RBFOX1: variants seen among roughly 807,000 people sequenced by gnomAD.
RBFOX1 encodes RNA binding protein fox-1 homolog 1.
Under a neutral mutation model 57.7 loss-of-function variants are expected in RBFOX1, and 8 were observed. That is an observed-to-expected ratio of 0.14 (90% confidence interval 0.08 to 0.25). RBFOX1 has a LOEUF of 0.25. Ranked by LOEUF, RBFOX1 falls within the 10% of genes least tolerant of loss-of-function variation. The probability of loss-of-function intolerance (pLI) is 1.00; values close to 1 mark genes in which losing one functional copy is unlikely to be tolerated. For synonymous variants in RBFOX1, 326 were observed against 222.4 expected (o/e 1.47, Z -4.15); for missense variants, 611 against 548.5 (o/e 1.11, Z -1.14).
In RBFOX1 at chr16:5,545,659, T is replaced by A. The variant is rs183716677; in HGVS notation, c.259-53243T>A. The stretch of plus-strand genomic sequence containing the variant: ...TAAGAATTTAACATCTATTCTCAAT[T>A]AAAAAAAAACCCCTCATCAAGTAGG... On this transcript the variant is annotated intron_variant, in intron 2 of 2. Coordinates refer to the RBFOX1 transcript ENST00000585867. Among the ~76,000 whole-genome samples, 930 of 151,190 alleles carry A rather than the reference T, an allele frequency of 6.2e-3. 8 individuals carry two copies. Among genetic ancestry groups the A allele is most frequent in the Middle Eastern group, 0.031 (9 of 294 alleles).
At chr16:6,819,721 A>T (rs2090906556) in intron 3 of RBFOX1, among the ~76,000 whole-genome samples, 1 of 144,594 alleles carries the variant, frequency 6.9e-6, no homozygotes, top group African/African-American at 2.6e-5. Flanking sequence ...AAAAAAAAAA[A>T]AAAAAAAAAA....
chr16:5,985,841 C>G (rs1337891616), intron 4 of RBFOX1, among the ~76,000 whole-genome samples: 2 of 152,150 alleles, frequency 1.3e-5, no homozygotes, highest in Non-Finnish European at 2.9e-5. Flanking sequence ...AGGCCAGGTG[C>G]TCTACAACCC....
intron 3 of RBFOX1, among the ~76,000 whole-genome samples, chr16:5,846,166 A>G: frequency 6.7e-6 from 1 of 149,420 alleles, no homozygotes; most frequent in African/African-American, 2.5e-5. Context: ...TGGGCGACAG[A>G]GTGAGGCACT....
chr16:6,461,480 A>G (rs1184072280), intron 2 of RBFOX1, among the ~76,000 whole-genome samples: 1 of 152,196 alleles, frequency 6.6e-6, no homozygotes, highest in Admixed American at 6.5e-5. Context: ...CCCATCCATG[A>G]TCTTTCAGGC....
chr16:5,914,392 G>C (rs1451724328), intron 4 of RBFOX1, among the ~76,000 whole-genome samples: 1 of 152,142 alleles, frequency 6.6e-6, no homozygotes, highest in African/African-American at 2.4e-5. Flanking sequence ...TGTCAGCCAG[G>C]GCTGCAGTCT....
chr16:6,125,754 C>G (rs1271184012), intron 1 of RBFOX1, among the ~76,000 whole-genome samples: 1 of 152,042 alleles, frequency 6.6e-6, no homozygotes, highest in Admixed American at 6.6e-5. Flanking sequence ...AATTACCATC[C>G]TTGGCTCGCT....
chr16:7,580,212 C>T (rs779585348), intron 6 of RBFOX1, among the ~76,000 whole-genome samples: 20 of 152,048 alleles, frequency 1.3e-4, no homozygotes, highest in African/African-American at 4.8e-5. Context: ...TGAAGGAAGC[C>T]TATTGATGGT....
intron 2 of RBFOX1, among the ~76,000 whole-genome samples, chr16:6,462,350 A>C (rs1372374037): frequency 6.6e-6 from 1 of 152,162 alleles, no homozygotes; most frequent in Non-Finnish European, 1.5e-5. Flanking sequence ...GGGTGGCCTC[A>C]TCCTCCGCCT....
intron 3 of RBFOX1, among the ~76,000 whole-genome samples, chr16:6,673,412 A>ATG (rs2098780132): frequency 6.6e-6 from 1 of 152,016 alleles, no homozygotes; most frequent in Non-Finnish European, 1.5e-5. Context: ...ACATGGCAAA[A>ATG]CCGCATCTCT....
intron 2 of RBFOX1, among the ~76,000 whole-genome samples, chr16:6,625,581 T>C (rs944683394): frequency 1.3e-5 from 2 of 152,162 alleles, no homozygotes; most frequent in Admixed American, 1.3e-4. Flanking sequence ...CTCAGATGGT[T>C]CCTCCATTCT....
At chr16:6,943,922 C>T (rs985604822) in intron 3 of RBFOX1, among the ~76,000 whole-genome samples, 28 of 152,130 alleles carry the variant, frequency 1.8e-4, no homozygotes, top group African/African-American at 6.5e-4. Flanking sequence ...TTTGTTCTGA[C>T]CATGACATAT....
At chr16:7,593,968 C>G (rs912553441) in intron 7 of RBFOX1, among the ~76,000 whole-genome samples, 1 of 152,114 alleles carries the variant, frequency 6.6e-6, no homozygotes, top group African/African-American at 2.4e-5. Context: ...GCCCATTGCA[C>G]AATACTTTTT....
At chr16:6,458,384 T>A (rs1414590260) in intron 2 of RBFOX1, among the ~76,000 whole-genome samples, 1 of 152,210 alleles carries the variant, frequency 6.6e-6, no homozygotes, top group East Asian at 1.9e-4. Context: ...CATTTCTCCA[T>A]CTATTAATGA....
Position 5,614,427 on chromosome 16 carries a change from A to T in RBFOX1, c.318+15466A>T, listed in dbSNP as rs1431737187. Among the ~76,000 whole-genome samples the T allele has an allele frequency of 2.0e-5, 3 of 152,258 alleles. 1 individual carries two copies. The highest frequency in any genetic ancestry group is 7.2e-5 in the African/African-American group (3 of 41,562). ...ACATTATGTTGCTCAATTTCAGTTC[A>T]CTGGCACAGAGTCGTTCCAATGTGT... On this transcript the variant is annotated intron_variant, in intron 3 of 19. Transcript: ENST00000641259.
chr16:5,442,463 T>G (rs1297355419), intron 1 of RBFOX1, among the ~76,000 whole-genome samples: 1 of 152,186 alleles, frequency 6.6e-6, no homozygotes, highest in African/African-American at 2.4e-5. Flanking sequence ...CACAGGGTGC[T>G]GAGTGGAGGC....
At chr16:7,530,679 C>T (rs553233913) in intron 5 of RBFOX1, among the ~76,000 whole-genome samples, 6 of 152,034 alleles carry the variant, frequency 3.9e-5, no homozygotes, top group Non-Finnish European at 7.3e-5. Flanking sequence ...TTTGTATCCC[C>T]GAAGAATGTG....
intron 2 of RBFOX1, among the ~76,000 whole-genome samples, chr16:6,596,869 G>C (rs922962011): frequency 1.3e-5 from 2 of 152,144 alleles, no homozygotes; most frequent in East Asian, 3.9e-4. Flanking sequence ...TATCGAGATA[G>C]AGAAATAGCT....
intron 1 of RBFOX1, among the ~76,000 whole-genome samples, chr16:6,057,824 G>GT (rs2095633014): frequency 4.8e-5 from 4 of 83,742 alleles, no homozygotes; most frequent in Middle Eastern, 6.0e-3. Context: ...GTTTGCTATG[G>GT]GTTTTTTTTT....
chr16:6,760,471 GAT>G (rs2076447572), intron 3 of RBFOX1, among the ~76,000 whole-genome samples: 1 of 152,274 alleles, frequency 6.6e-6, no homozygotes, highest in East Asian at 1.9e-4. Context: ...GAAAAAATAA[GAT>G]AAAATACCAA....
Sources: gnomAD v4.1 joint callset for allele counts (sites outside exome capture counted in the v4.1 genomes callset) on GRCh38, gnomAD v4.1.1 for gene constraint, MANE v1.5 for transcripts, NCBI Gene and HGNC (gene_info 2026-07-23, HGNC 2026-07-21) for gene names.